ZNF254: variants seen among roughly 807,000 people sequenced by gnomAD.
The protein encoded by ZNF254 is CTD-2017D11.1.
A neutral mutation model predicts 12.4 loss-of-function variants in ZNF254; 10 were observed. The ratio of observed to expected loss-of-function variants is 0.80; its 90% confidence interval spans 0.50 to 1.36. The LOEUF (loss-of-function observed/expected upper bound fraction) is 1.36. Among genes scored for constraint, ZNF254 ranks in the 40% most tolerant of loss-of-function variants. The pLI is 0.00. For synonymous variants in ZNF254, 305 were observed against 253.4 expected, an observed-to-expected ratio of 1.20 and a Z score of -1.93; for missense variants, 996 against 763.9, an observed-to-expected ratio of 1.30 and a Z score of -3.58.
At chr19:24,123,407 CTGTT>C (rs1246344570) in intron 3 of ZNF254, among the ~76,000 whole-genome samples, 1 of 152,152 alleles carries the variant, frequency 6.6e-6, no homozygotes, top group African/African-American at 2.4e-5. Flanking sequence ...CTCCATAACT[CTGTT>C]TGGAATAATT....
At chr19:24,050,748 AC>A (rs1970614989) in intron 2 of ZNF254, among the ~76,000 whole-genome samples, 1 of 152,050 alleles carries the variant, frequency 6.6e-6, no homozygotes, top group Non-Finnish European at 1.5e-5. Context: ...ACATTGTGTG[AC>A]TTTTTATTTA....
rs991481176 is a variant in ZNF254 at position 24,105,768 on chromosome 19, G to A, written c.31-172G>A. ...TATTTTGCCACTCTATTTTCTCAGAGTTAGAGAATACATTAGAAAATGTTC... is the reference window on the plus strand; with the variant it reads ...TATTTTGCCACTCTATTTTCTCAGAATTAGAGAATACATTAGAAAATGTTC... On this transcript the variant is annotated intron_variant, in intron 1 of 3. Transcript: ENST00000357002. The A allele has an allele frequency of 2.7e-6, 3 of 1,100,764 alleles. No individual in the cohort carries two copies. The East Asian group carries it at 1.1e-4, about 41-fold the overall frequency. The allele number at this position is 1,100,764 out of a possible 1,614,324, so 68.2% of individuals were successfully genotyped here.
intron 1 of ZNF254, among the ~76,000 whole-genome samples, chr19:24,034,277 GCAGATGT>G (rs59927253): frequency 0.16 from 24,177 of 151,856 alleles, 2,074 homozygotes; most frequent in Middle Eastern, 0.23. Flanking sequence ...AGCCTCTCCT[GCAGATGT>G]CCCAGCCTGC....
intron 1 of ZNF254, chr19:24,104,677 C>T (rs1345071721): frequency 6.6e-6 from 1 of 152,074 alleles, no homozygotes; most frequent in Non-Finnish European, 1.5e-5. Flanking sequence ...AGATTCTCAC[C>T]ATGAATTTGT....
At chr19:24,056,395 CAT>C (rs989711510) in intron 2 of ZNF254, among the ~76,000 whole-genome samples, 1 of 152,148 alleles carries the variant, frequency 6.6e-6, no homozygotes, top group African/African-American at 2.4e-5. Flanking sequence ...GGAATTTTGA[CAT>C]ATCCCTTGGC....
At chr19:24,083,497 A>C (rs1382131576), upstream of ZNF254, among the ~76,000 whole-genome samples, 2 of 152,196 alleles carry the variant, frequency 1.3e-5, no homozygotes, top group Non-Finnish European at 2.9e-5. Context: ...ACCTGCATAG[A>C]CAAAGCAAGA....
At position 24,127,859 on chromosome 19, in the gene ZNF254, A is replaced by T. The variant is rs200148530; in HGVS notation, c.1859A>T (p.His620Leu). 1.2e-6 allele frequency: 2 copies of T among 1,613,310 alleles called. No individual in the cohort carries two copies. Among genetic ancestry groups the T allele is most frequent in the African/African-American group, 2.7e-5 (2 of 74,896 alleles). Residue 620 changes from histidine to leucine, a missense_variant, in exon 4 of 4, where the codon CAT becomes CTT. Physicochemically the swap from His to Leu is moderately conservative, Grantham distance 99. Transcript: ENST00000357002. ...AFFWSSTLTK[H>L]KRIHTGEQPY... is the part of the protein sequence containing the mutation. The stretch of plus-strand genomic sequence containing the variant: ...TTCTGGTCCTCAACCCTAACTAAAC[A>T]TAAGAGAATTCATACTGGAGAGCAA...
In ZNF254 at chr19:24,055,205, CAAAAAAAAA is replaced by C. The variant is rs71167733; in HGVS notation, c.-94+8945_-94+8953del. ...GTGATAGTGCGAGACTCTGTCTCAC[CAAAAAAAAA>C]AAAAAAAAAAAAAAAAAAGAGTGTA... On this transcript the variant is annotated intron_variant, in intron 2 of 4. Coordinates refer to the ZNF254 transcript ENST00000613065. 1.4e-3 allele frequency among the ~76,000 whole-genome samples: 40 copies of C among 28,328 alleles called. No homozygotes were observed. In the East Asian group the frequency reaches 0.04, roughly 28 times the overall value. 18.6% of individuals were successfully genotyped at this position (28,328 alleles called of 152,430 possible).
At chr19:24,123,173 C>T (rs977419085) in intron 3 of ZNF254, among the ~76,000 whole-genome samples, 1 of 152,180 alleles carries the variant, frequency 6.6e-6, no homozygotes, top group Admixed American at 6.5e-5. Flanking sequence ...TTTAAAAGCA[C>T]ACTCAAGGGT....
intron 3 of ZNF254, chr19:24,106,939 C>A (rs920406222): frequency 2.4e-6 from 1 of 414,376 alleles, no homozygotes; most frequent in African/African-American, 2.1e-5. Context: ...GTTTTGTGGA[C>A]AGACAGATCT....
chr19:24,058,263 C>T lies in ZNF254; in HGVS notation c.-94+11984C>T, dbSNP rs1970936545. On this transcript the variant is annotated intron_variant, in intron 2 of 4. Coordinates refer to the ZNF254 transcript ENST00000613065. Reference sequence around the variant, plus strand: ...TTCTCTCCTGTTTGGATTTAACCCACAGATGGAATCGTGACATATCGCTGC... The same window carrying T: ...TTCTCTCCTGTTTGGATTTAACCCATAGATGGAATCGTGACATATCGCTGC... 2.6e-5 allele frequency among the ~76,000 whole-genome samples: 4 copies of T among 152,146 alleles called. No homozygotes were observed. In the South Asian group the frequency reaches 8.3e-4, roughly 32 times the overall value.
Position 24,087,253 on chromosome 19 carries a change from G to C in ZNF254, c.-55G>C. On this transcript the variant is annotated 5_prime_UTR_variant, in exon 1 of 4. Transcript: ENST00000357002. ...CACTGCTCTGTGTCCTCTGCTCCTA[G>C]AGGCCCAGCCTCTGTGGCGCTGTTA... 6.2e-7 allele frequency: 1 copy of C among 1,611,608 alleles called. No individual in the cohort carries two copies. The highest frequency in any genetic ancestry group is 8.5e-7 in the Non-Finnish European group (1 of 1,178,376).
intron 2 of ZNF254, 182 bp downstream of exon 2, chr19:24,106,248 G>C: frequency 1.2e-6 from 1 of 813,404 alleles, no homozygotes; most frequent in East Asian, 4.0e-5. Flanking sequence ...ACATTCCTGA[G>C]CTAATCTGTG....
Position 24,121,478 on chromosome 19 carries a change from G to A in ZNF254, c.254-4776G>A, listed in dbSNP as rs370931573. ...TTTGTACAATTTAAGACCCTGTGGA[G>A]CAAAATCAAATATGAATCAGCCATA... On this transcript the variant is annotated intron_variant, in intron 3 of 3. Transcript: ENST00000357002. Among the ~76,000 whole-genome samples, 5 of 152,228 alleles carry A rather than the reference G, an allele frequency of 3.3e-5. No individual in the cohort carries two copies. The East Asian group carries it at 9.6e-4, about 29-fold the overall frequency.
rs2145449130 is a variant in ZNF254 at position 24,066,626 on chromosome 19, T to A, written c.-94+20347T>A. Reference sequence around the variant, plus strand: ...GCTTGGGGAGGCCAAGGTGGGCAGATCACAAAGTCAGGAGTTCGAGACCAG... The same window carrying A: ...GCTTGGGGAGGCCAAGGTGGGCAGAACACAAAGTCAGGAGTTCGAGACCAG... On this transcript the variant is annotated intron_variant, in intron 2 of 4. Coordinates refer to the ZNF254 transcript ENST00000613065. 2 of 152,178 alleles carry A rather than the reference T, an allele frequency of 1.3e-5. 1 individual carries two copies. Among genetic ancestry groups the A allele is most frequent in the Middle Eastern group, 6.8e-3 (2 of 294 alleles). 9.4% of individuals were successfully genotyped at this position (152,178 alleles called of 1,614,324 possible).
At chr19:24,113,300 G>C (rs28837095) in intron 3 of ZNF254, among the ~76,000 whole-genome samples, 1 of 152,132 alleles carries the variant, frequency 6.6e-6, no homozygotes, top group Non-Finnish European at 1.5e-5. Context: ...CTGGCAAACT[G>C]AATCCAGCAG....
chr19:24,054,122 T>C (rs1380559594), intron 2 of ZNF254, among the ~76,000 whole-genome samples: 1 of 152,152 alleles, frequency 6.6e-6, no homozygotes, highest in African/African-American at 2.4e-5. Flanking sequence ...CCAGGGAGCA[T>C]TGTGACATAG....
At chr19:24,049,199 TATATATA>T (rs1402739115) in intron 2 of ZNF254, among the ~76,000 whole-genome samples, 86 of 67,288 alleles carry the variant, frequency 1.3e-3, no homozygotes, top group South Asian at 8.3e-3. Context: ...TATATATATA[TATATATA>T]TATATATATT....
At chr19:24,107,200 T>G in intron 3 of ZNF254, 1 of 646,458 alleles carries the variant, frequency 1.5e-6, no homozygotes. Flanking sequence ...TTATTGTAGT[T>G]TCATGTCCAT....
Sources: allele counts gnomAD v4.1 joint callset (sites outside exome capture counted in the v4.1 genomes callset), GRCh38; gene constraint gnomAD v4.1.1; transcripts MANE v1.5; gene names NCBI Gene and HGNC (gene_info 2026-07-23, HGNC 2026-07-21).